The following NLRP12 variants were observed in gnomAD, a reference collection of about 807,000 sequenced individuals.
The protein encoded by NLRP12 is NLR family pyrin domain containing 12.
A neutral mutation model predicts 91.2 loss-of-function variants in NLRP12; 108 were observed. That is an observed-to-expected ratio of 1.18 (90% CI 1.01 to 1.39). The LOEUF is 1.39. NLRP12 is among the 40% of genes most tolerant of loss of function. The pLI is 0.00. For synonymous variants in NLRP12, 613 were observed against 566.7 expected, an observed-to-expected ratio of 1.08 and a Z score of -1.16; for missense variants, 1,530 against 1,352.7, an observed-to-expected ratio of 1.13 and a Z score of -2.06.
intron 5 of NLRP12, among the ~76,000 whole-genome samples, chr19:53,804,375 GTTT>G (rs1177666666): frequency 2.4e-5 from 3 of 126,356 alleles, no homozygotes; most frequent in African/African-American, 8.2e-5. Context: ...TTGTTTGTTT[GTTT>G]TTTGTTTTTT....
rs200828299 is a variant in NLRP12, at chr19:53,807,595, G to T, written c.2143C>A (p.Leu715Met). 1 of 1,614,124 alleles carries T rather than the reference G, an allele frequency of 6.2e-7. No homozygotes were observed. The highest frequency in any genetic ancestry group is 1.3e-5 in the African/African-American group (1 of 75,034). The change falls in exon 4 of 10, where the codon CTG (leucine) becomes ATG (methionine). Residue 715 changes from leucine to methionine, a missense_variant. Physicochemically the swap from Leu to Met is conservative, Grantham distance 15. Transcript: ENST00000324134. ...TTTCGGTACAGAGACAGCTCTATCAGGTTTGGATTGGTGCACAGGGCCGCT... is the reference window on the plus strand; with the variant it reads ...TTTCGGTACAGAGACAGCTCTATCATGTTTGGATTGGTGCACAGGGCCGCT... ...LAAALCTNPN[L>M]IELSLYRNAL...
intron 1 of NLRP12, among the ~76,000 whole-genome samples, chr19:53,819,827 G>T (rs1438360929): frequency 6.7e-6 from 1 of 150,360 alleles, no homozygotes; most frequent in African/African-American, 2.4e-5. Context: ...GGAGAAAAGG[G>T]AAAGAGAAAA....
intron 8 of NLRP12, among the ~76,000 whole-genome samples, chr19:53,797,429 ATTATTT>A (rs2091785966): frequency 6.9e-6 from 1 of 144,726 alleles, no homozygotes; most frequent in South Asian, 2.2e-4. Context: ...GGCCTGAATT[ATTATTT>A]TTGAGACAGA....
chr19:53,799,890 G>T (rs1463460101), intron 7 of NLRP12, among the ~76,000 whole-genome samples: 1 of 152,150 alleles, frequency 6.6e-6, no homozygotes, highest in Non-Finnish European at 1.5e-5. Flanking sequence ...CCAGCTGGGT[G>T]TAGTGGGTCA....
chr19:53,813,407 T>A (rs1783721355), intron 2 of NLRP12, among the ~76,000 whole-genome samples: 1 of 143,324 alleles, frequency 7.0e-6, no homozygotes, highest in Non-Finnish European at 1.5e-5. Context: ...GCTCACACCA[T>A]TCTCCTGCCT....
At chr19:53,808,240 T>G (rs2091994823) in intron 3 of NLRP12, 1 of 183,964 alleles carries the variant, frequency 5.4e-6, no homozygotes, top group Admixed American at 5.4e-5. Flanking sequence ...TTTATATTTT[T>G]AGAGATGGGG....
chr19:53,811,315 G>C, intron 2 of NLRP12, 27 bp from the exon 3 acceptor site: 1 of 1,613,078 alleles, frequency 6.2e-7, no homozygotes, highest in Non-Finnish European at 8.5e-7. Flanking sequence ...AAGGTTTTGT[G>C]GAAGACTCAT....
At chr19:53,795,690 TC>T (rs1441734395) in intron 9 of NLRP12, among the ~76,000 whole-genome samples, 168 bp downstream of exon 9, 1 of 152,140 alleles carries the variant, frequency 6.6e-6, no homozygotes, top group Non-Finnish European at 1.5e-5. Flanking sequence ...AAGGAAATTA[TC>T]CAAGGTCACA....
chr19:53,815,934 ATTTT>A lies in NLRP12; in HGVS notation c.290-950_290-947del, dbSNP rs576400966. Among the ~76,000 whole-genome samples, 50 of 135,532 alleles carry A rather than the reference ATTTT, an allele frequency of 3.7e-4. 1 individual carries two copies. In the South Asian group the frequency reaches 0.011, roughly 29 times the overall value. The allele number at this position is 135,532 out of a possible 152,430, so 88.9% of individuals were successfully genotyped here. ...GACTCTGTCTCTTAAAAATATTTTA[ATTTT>A]TTTTTTTTTTTTTGGTAGAGATTAG... On this transcript the variant is annotated intron_variant, in intron 1 of 9. Transcript: ENST00000324134.
rs762718535 is a variant in NLRP12, at chr19:53,795,923, C to G, written c.3034G>C (p.Asp1012His). 2.5e-6 allele frequency: 4 copies of G among 1,614,030 alleles called. No individual in the cohort carries two copies. In the African/African-American group the frequency reaches 4.0e-5, roughly 16 times the overall value. ...TTGCAAAGCAGTCGGACACCTGTGT[C>G]CCCTAGGGCGTTGTTGGTCAGGTAA... ...DLYLTNNALG[D>H]TGVRLLCKRL... Residue 1012 changes from aspartate to histidine, a missense_variant, in exon 9 of 10, where the codon GAC (aspartate) becomes CAC (histidine). Physicochemically the swap from Asp to His is moderately conservative, Grantham distance 81. Transcript: ENST00000324134.
intron 1 of NLRP12, among the ~76,000 whole-genome samples, chr19:53,820,396 G>A (rs1416820595): frequency 1.3e-5 from 2 of 152,058 alleles, no homozygotes; most frequent in African/African-American, 4.8e-5. Context: ...TGGGTGTGGT[G>A]GCACGCACCT....
chr19:53,824,383 C>A, upstream of NLRP12: 1 of 587,976 alleles, frequency 1.7e-6, no homozygotes, highest in Non-Finnish European at 3.0e-6. Context: ...CTGCCCTGCC[C>A]CACTCACCAA....
intron 1 of NLRP12, among the ~76,000 whole-genome samples, chr19:53,823,357 T>TTA (rs2092288865): frequency 4.4e-5 from 6 of 134,948 alleles, no homozygotes; most frequent in African/African-American, 1.7e-4. Context: ...ATACCATATT[T>TTA]AATATATATT....
downstream of NLRP12, chr19:53,793,699 C>G: frequency 2.8e-6 from 1 of 351,056 alleles, no homozygotes; most frequent in South Asian, 2.5e-5. Flanking sequence ...ATTCTCCTGC[C>G]TCAGCCTCCT....
chr19:53,810,434 C>T lies in NLRP12; in HGVS notation c.1225G>A (p.Val409Met), dbSNP rs1164188079. The change falls in exon 3 of 10, where the codon GTG becomes ATG. Residue 409 changes from valine (V) to methionine (M), a missense_variant. Transcript: ENST00000324134. ...TMCFVPLVCW[V>M]VCTCLQQQLE... ...TGCTGCTGGAGGCAGGTACACACCACCCAGCACACCAGGGGGACGAAGCAC... is the reference window on the plus strand; with the variant it reads ...TGCTGCTGGAGGCAGGTACACACCATCCAGCACACCAGGGGGACGAAGCAC... The T allele has an allele frequency of 1.2e-6, 2 of 1,614,046 alleles. No individual in the cohort carries two copies. The highest frequency in any genetic ancestry group is 2.2e-5 in the South Asian group (2 of 91,084).
At chr19:53,814,647 G>T (rs554448966) in intron 2 of NLRP12, among the ~76,000 whole-genome samples, 226 of 152,282 alleles carry the variant, frequency 1.5e-3, no homozygotes, top group African/African-American at 5.3e-3. Flanking sequence ...CACTGTACCT[G>T]GCCTCTTAGC....
chr19:53,805,375 T>C lies in NLRP12; in HGVS notation c.2319A>G (p.Thr773=), dbSNP rs1237766690. Reference sequence around the variant, plus strand: ...CGCCGTTGCCACTGAGATCCATCCTTGTCAAATTCTTATTGGCTATGAGAG... The same window carrying C: ...CGCCGTTGCCACTGAGATCCATCCTCGTCAAATTCTTATTGGCTATGAGAG... The part of the protein sequence containing the change: ...SAALIANKNL[T]RMDLSGNGVG... The change falls in exon 5 of 10, where the codon ACA becomes ACG. Residue 773 remains threonine (T), a synonymous_variant. Coordinates refer to ENST00000324134, the MANE Select transcript of NLRP12 (RefSeq NM_144687.4). The C allele has an allele frequency of 1.2e-6, 2 of 1,613,996 alleles. No individual in the cohort carries two copies. The highest frequency in any genetic ancestry group is 2.2e-5 in the East Asian group (1 of 44,860).
At chr19:53,809,544 CA>C in intron 3 of NLRP12, 42 bp downstream of exon 3, 33 of 817,584 alleles carry the variant, frequency 4.0e-5, no homozygotes, top group Non-Finnish European at 5.7e-5. Context: ...AAAAAAAACA[CA>C]CGAACCTAAG....
At position 53,811,199 on chromosome 19, in the gene NLRP12, T is replaced by C; in HGVS notation, c.460A>G (p.Ser154Gly). 1 of 1,614,118 alleles carries C rather than the reference T, an allele frequency of 6.2e-7. No homozygotes were observed. Among genetic ancestry groups the C allele is most frequent in the East Asian group, 2.2e-5 (1 of 44,836 alleles). ...AGCAGGAGCCGGGTGTACCGGTGGC[T>C]GAGGTTGACACATTCCCCTAGGCGC... ...NARLGECVNL[S>G]HRYTRLLLVK... The change falls in exon 3 of 10, where the codon AGC (serine) becomes GGC (glycine). Residue 154 changes from serine to glycine, a missense_variant. Transcript: ENST00000324134.
Sources: allele counts gnomAD v4.1 joint callset (sites outside exome capture counted in the v4.1 genomes callset), GRCh38; gene constraint gnomAD v4.1.1; transcripts MANE v1.5; gene names NCBI Gene and HGNC (gene_info 2026-07-23, HGNC 2026-07-21).